SLC35F3: variants seen among roughly 807,000 people sequenced by gnomAD.
SLC35F3 encodes the protein putative thiamine transporter SLC35F3.
A neutral mutation model predicts 49.9 loss-of-function variants in SLC35F3; 25 were observed. The observed-to-expected ratio is 0.50, with a 90% CI of 0.37 to 0.70. The LOEUF (loss-of-function observed/expected upper bound fraction) is 0.70, where lower values mean the gene tolerates loss of function less well. Among genes scored for constraint, SLC35F3 ranks in the 30% least tolerant of loss-of-function variants. The probability of loss-of-function intolerance (pLI) is 0.00; values close to 1 mark genes in which losing one functional copy is unlikely to be tolerated. For synonymous variants in SLC35F3, 275 were observed against 265.4 expected, an observed-to-expected ratio of 1.04 and a Z score of -0.35; for missense variants, 525 against 639.8, an observed-to-expected ratio of 0.82 and a Z score of 1.94.
intron 2 of SLC35F3, among the ~76,000 whole-genome samples, chr1:233,991,359 C>A (rs1418841053): frequency 5.3e-5 from 8 of 152,058 alleles, no homozygotes; most frequent in East Asian, 1.9e-4. Flanking sequence ...AACGCCCGTG[C>A]CTTGCCTAAT....
chr1:234,247,646 G>C (rs529006126), intron 3 of SLC35F3, among the ~76,000 whole-genome samples: 3 of 152,008 alleles, frequency 2.0e-5, no homozygotes, highest in African/African-American at 7.2e-5. Context: ...TCCATTGTTT[G>C]GGGGGCTGGT....
chr1:234,053,606 C>G lies in SLC35F3; in HGVS notation c.283+147848C>G, dbSNP rs556021150. Among the ~76,000 whole-genome samples, 14 of 152,256 alleles carry G rather than the reference C, an allele frequency of 9.2e-5. No individual in the cohort carries two copies. The South Asian group carries it at 2.9e-3, about 32-fold the overall frequency. On this transcript the variant is annotated intron_variant, in intron 2 of 7. Transcript: ENST00000366618. Reference sequence around the variant, plus strand: ...TTCACTCTTTATCCAGTTTGCCAGTCTGTGTCTTTTAATTGGGGCATTTAG... The same window carrying G: ...TTCACTCTTTATCCAGTTTGCCAGTGTGTGTCTTTTAATTGGGGCATTTAG...
chr1:233,979,852 G>A (rs113180776), intron 2 of SLC35F3, among the ~76,000 whole-genome samples: 20 of 152,278 alleles, frequency 1.3e-4, no homozygotes, highest in African/African-American at 3.6e-4. Context: ...ATCTGGTTCC[G>A]TCGTTTGATA....
intron 2 of SLC35F3, among the ~76,000 whole-genome samples, chr1:234,104,203 T>G (rs1397584047): frequency 6.6e-6 from 1 of 152,204 alleles, no homozygotes; most frequent in Non-Finnish European, 1.5e-5. Context: ...GCCCATGTTA[T>G]GCAGTGATGA....
At chr1:234,087,605 T>C (rs1170218835) in intron 2 of SLC35F3, among the ~76,000 whole-genome samples, 1 of 152,224 alleles carries the variant, frequency 6.6e-6, no homozygotes, top group Non-Finnish European at 1.5e-5. Context: ...GCTTTCTTCA[T>C]TCCATTCATC....
At chr1:234,188,794 C>G (rs2102927730) in intron 2 of SLC35F3, among the ~76,000 whole-genome samples, 1 of 152,268 alleles carries the variant, frequency 6.6e-6, no homozygotes, top group East Asian at 1.9e-4. Flanking sequence ...CTCCCAGAGT[C>G]CATTTCACTC....
intron 2 of SLC35F3, among the ~76,000 whole-genome samples, chr1:233,938,665 G>C (rs941309814): frequency 7.5e-6 from 1 of 134,116 alleles, no homozygotes; most frequent in African/African-American, 2.9e-5. Context: ...TGGAGGGATG[G>C]ATTGGTGGGT....
intron 2 of SLC35F3, among the ~76,000 whole-genome samples, chr1:234,054,824 G>C (rs1338531446): frequency 6.6e-6 from 1 of 152,076 alleles, no homozygotes; most frequent in Non-Finnish European, 1.5e-5. Context: ...TGGGGTTTTG[G>C]TGTGGATGTC....
At position 234,265,028 on chromosome 1, in the gene SLC35F3, TCTC is replaced by T. The variant is rs774756785; in HGVS notation, c.608+33291_608+33293del. On this transcript the variant is annotated intron_variant, in intron 3 of 7. Transcript: ENST00000366618. Reference sequence around the variant, plus strand: ...GGGCCCCACGCTCAGTCCTTTGTCCTCTCCTCTGCAGTGTCTACGCTTGCTCGC... The same window carrying T: ...GGGCCCCACGCTCAGTCCTTTGTCCTCTCTGCAGTGTCTACGCTTGCTCGC... Among the ~76,000 whole-genome samples the T allele has an allele frequency of 6.3e-4, 96 of 152,234 alleles. No individual in the cohort carries two copies. In the Middle Eastern group the frequency reaches 0.01, roughly 16 times the overall value.
intron 2 of SLC35F3, among the ~76,000 whole-genome samples, chr1:234,082,826 GA>G (rs1572045232): frequency 2.6e-5 from 4 of 152,210 alleles, no homozygotes; most frequent in Admixed American, 2.6e-4. Flanking sequence ...CAGTATGGGG[GA>G]AACCGCCCCC....
At chr1:234,273,130 G>A (rs965208390) in intron 3 of SLC35F3, among the ~76,000 whole-genome samples, 1 of 152,208 alleles carries the variant, frequency 6.6e-6, no homozygotes, top group Admixed American at 6.5e-5. Flanking sequence ...TTGCCAGCAT[G>A]GGCTCACTCC....
intron 2 of SLC35F3, among the ~76,000 whole-genome samples, chr1:234,221,015 G>T (rs759117578): frequency 5.9e-5 from 9 of 152,196 alleles, no homozygotes; most frequent in Non-Finnish European, 1.2e-4. Context: ...AGGACATAAG[G>T]GAGGCAGGAG....
chr1:234,024,783 C>G (rs1365645488), intron 2 of SLC35F3, among the ~76,000 whole-genome samples: 1 of 152,184 alleles, frequency 6.6e-6, no homozygotes, highest in Non-Finnish European at 1.5e-5. Flanking sequence ...CCCCACCTCT[C>G]AATACTGCCA....
chr1:234,277,194 C>T (rs560441616), intron 3 of SLC35F3, among the ~76,000 whole-genome samples: 2 of 152,282 alleles, frequency 1.3e-5, no homozygotes, highest in South Asian at 4.1e-4. Flanking sequence ...GCTACCAGGG[C>T]TCTGTGTGGC....
intron 2 of SLC35F3, among the ~76,000 whole-genome samples, chr1:233,993,218 C>T (rs371407446): frequency 6.6e-6 from 1 of 152,152 alleles, no homozygotes; most frequent in East Asian, 1.9e-4. Context: ...CCACCCAACT[C>T]AGCCTCCCAA....
chr1:233,933,836 G>C (rs1662284124), intron 2 of SLC35F3, among the ~76,000 whole-genome samples: 1 of 152,170 alleles, frequency 6.6e-6, no homozygotes, highest in Non-Finnish European at 1.5e-5. Context: ...TTGAATGACA[G>C]AGTGAGACTC....
At chr1:233,922,505 T>TC (rs754017992) in intron 2 of SLC35F3, among the ~76,000 whole-genome samples, 3,206 of 120,650 alleles carry the variant, frequency 0.027, 43 homozygotes, top group Middle Eastern at 0.034. Flanking sequence ...TTTTTTTTTT[T>TC]CTTGTAAATT....
chr1:234,145,299 G>A (rs1234645156), intron 2 of SLC35F3, among the ~76,000 whole-genome samples: 2 of 152,148 alleles, frequency 1.3e-5, no homozygotes, highest in African/African-American at 2.4e-5. Flanking sequence ...GACCTAACTG[G>A]ATCATGCTAT....
At chr1:234,250,653 CAAA>C (rs35486350) in intron 3 of SLC35F3, among the ~76,000 whole-genome samples, 2 of 81,500 alleles carry the variant, frequency 2.5e-5, no homozygotes. Flanking sequence ...GACTCCGTCT[CAAA>C]AAAAAAAAAA....
Sources: gnomAD v4.1 joint callset for allele counts (sites outside exome capture counted in the v4.1 genomes callset) on GRCh38, gnomAD v4.1.1 for gene constraint, MANE v1.5 for transcripts, NCBI Gene and HGNC (gene_info 2026-07-23, HGNC 2026-07-21) for gene names.